Variants in ATRNL1 observed in about 807,000 individuals in gnomAD.
ATRNL1 encodes the protein attractin-like protein 1.
Under a neutral mutation model 182.7 loss-of-function variants are expected in ATRNL1, and 95 were observed. The ratio of observed to expected loss-of-function variants is 0.52; its 90% CI spans 0.44 to 0.62. The LOEUF (loss-of-function observed/expected upper bound fraction) is 0.62, where lower values mean the gene tolerates loss of function less well. ATRNL1 is among the 20% of genes least tolerant of loss of function. The pLI is 0.00. For missense variants in ATRNL1, 1,471 were observed against 1,679.5 expected (o/e 0.88, Z 2.17); for synonymous variants, 576 against 568.3 (o/e 1.01, Z -0.19).
intron 12 of ATRNL1, among the ~76,000 whole-genome samples, chr10:115,267,423 G>T (rs1349742329): frequency 6.6e-6 from 1 of 151,458 alleles, no homozygotes; most frequent in Non-Finnish European, 1.5e-5. Flanking sequence ...AAATGTTACA[G>T]CATTTCATGA....
In ATRNL1 at chr10:115,837,938, C is replaced by A. The variant is rs541638685; in HGVS notation, c.3904-9939C>A. 1.6e-3 allele frequency among the ~76,000 whole-genome samples: 249 copies of A among 152,268 alleles called. 11 individuals are homozygous for A. In the South Asian group the frequency reaches 0.05, roughly 30 times the overall value. ...AATTGGTTTTGACTTTTAAAAATTG[C>A]ATTTGCAAGTGATTCTACCTAATAT... On this transcript the variant is annotated intron_variant, in intron 27 of 28. Coordinates refer to ENST00000355044, the MANE Select transcript of ATRNL1 (RefSeq NM_207303.4).
chr10:115,814,900 G>A (rs1555088076), intron 27 of ATRNL1, among the ~76,000 whole-genome samples: 2 of 152,108 alleles, frequency 1.3e-5, no homozygotes, highest in African/African-American at 4.8e-5. Flanking sequence ...TGATTGTAAT[G>A]TCTACACCAC....
intron 25 of ATRNL1, among the ~76,000 whole-genome samples, chr10:115,526,738 C>T (rs782376806): frequency 9.2e-5 from 14 of 151,964 alleles, no homozygotes; most frequent in Admixed American, 2.6e-4. Context: ...AAGCAATAAA[C>T]GTGTTAGGGG....
chr10:115,945,025 A>C lies in ATRNL1; in HGVS notation c.*246A>C, dbSNP rs577917491. 6.7e-6 allele frequency: 2 copies of C among 297,582 alleles called. No homozygotes were observed. Among genetic ancestry groups the C allele is most frequent in the East Asian group, 1.1e-4 (2 of 17,858 alleles). The allele number at this position is 297,582 out of a possible 1,614,324, so 18.4% of individuals were successfully genotyped here. On this transcript the variant is annotated 3_prime_UTR_variant, in exon 29 of 29. Transcript: ENST00000355044. Reference sequence around the variant, plus strand: ...CTTAGGCTTATTATAGCTAACATTAAATTACTCTGGAAAAAGATGTATATT... The same window carrying C: ...CTTAGGCTTATTATAGCTAACATTACATTACTCTGGAAAAAGATGTATATT...
chr10:115,290,073 G>GTTTT (rs34824411), intron 15 of ATRNL1, among the ~76,000 whole-genome samples: 1 of 145,138 alleles, frequency 6.9e-6, no homozygotes, highest in South Asian at 2.2e-4. Context: ...GTGTTTTGTA[G>GTTTT]TTTTTTTTTT....
intron 13 of ATRNL1, among the ~76,000 whole-genome samples, chr10:115,279,052 A>G (rs968173742): frequency 1.3e-5 from 2 of 151,848 alleles, no homozygotes; most frequent in Non-Finnish European, 2.9e-5. Context: ...AATACAAAAA[A>G]TTAGCCGGGT....
At chr10:115,676,738 G>A (rs1945875063) in intron 26 of ATRNL1, among the ~76,000 whole-genome samples, 1 of 151,838 alleles carries the variant, frequency 6.6e-6, no homozygotes, top group Admixed American at 6.6e-5. Context: ...AGCATAGAGT[G>A]GAGGGGGAAA....
At chr10:115,392,802 G>T (rs75221107) in intron 19 of ATRNL1, among the ~76,000 whole-genome samples, 1 of 152,156 alleles carries the variant, frequency 6.6e-6, no homozygotes, top group African/African-American at 2.4e-5. Context: ...TCAGTTTTCA[G>T]TTGAAGTCCT....
intron 24 of ATRNL1, among the ~76,000 whole-genome samples, chr10:115,477,839 A>T (rs954624898): frequency 4.6e-5 from 7 of 151,658 alleles, no homozygotes; most frequent in Non-Finnish European, 1.0e-4. Flanking sequence ...GGCTTCAGTT[A>T]TTGTGATTCT....
At chr10:115,927,033 C>G (rs1555120498) in intron 28 of ATRNL1, among the ~76,000 whole-genome samples, 1 of 152,066 alleles carries the variant, frequency 6.6e-6, no homozygotes, top group African/African-American at 2.4e-5. Flanking sequence ...TACTGGCACA[C>G]CAAATCCAGC....
chr10:115,585,573 C>G (rs1269517790), intron 26 of ATRNL1, among the ~76,000 whole-genome samples: 1 of 65,476 alleles, frequency 1.5e-5, no homozygotes, highest in East Asian at 2.9e-4. Context: ...GATTGCAACC[C>G]CTGTCTTTTT....
intron 25 of ATRNL1, among the ~76,000 whole-genome samples, chr10:115,545,234 C>CAAAAAAAAAAAA (rs71010026): frequency 3.2e-5 from 3 of 94,860 alleles, no homozygotes; most frequent in African/African-American, 4.1e-5. Context: ...GACTCCGTAT[C>CAAAAAAAAAAAA]AAAAAAAAAA....
intron 27 of ATRNL1, among the ~76,000 whole-genome samples, chr10:115,794,676 A>G (rs1403316310): frequency 6.6e-6 from 1 of 152,128 alleles, no homozygotes; most frequent in East Asian, 1.9e-4. Context: ...GTGATTCTAT[A>G]TTCTTTTCAT....
chr10:115,225,581 C>T (rs1304063907), intron 9 of ATRNL1, among the ~76,000 whole-genome samples: 2 of 149,956 alleles, frequency 1.3e-5, no homozygotes, highest in East Asian at 1.9e-4. Context: ...ATACCAGGAA[C>T]AGTTTAAAAC....
At position 115,469,832 on chromosome 10, in the gene ATRNL1, T is replaced by C. The variant is rs558522431; in HGVS notation, c.3654+503T>C. On this transcript the variant is annotated intron_variant, in intron 24 of 28. Coordinates refer to ENST00000355044, the MANE Select transcript of ATRNL1 (RefSeq NM_207303.4). ...TGTGTTTTACATTTCATTTTTGTTA[T>C]AGTTAGAGGTAGTCTACTTAAGACG... Among the ~76,000 whole-genome samples the C allele has an allele frequency of 5.3e-5, 8 of 150,424 alleles. No individual in the cohort carries two copies. The South Asian group carries it at 1.5e-3, about 27-fold the overall frequency.
chr10:115,696,866 A>AGAGC (rs1413049476), intron 26 of ATRNL1, among the ~76,000 whole-genome samples: 14 of 137,632 alleles, frequency 1.0e-4, no homozygotes, highest in African/African-American at 4.2e-4. Context: ...ATCACATATC[A>AGAGC]GAGCGAGAGA....
chr10:115,539,323 G>A (rs1565147489), intron 25 of ATRNL1, among the ~76,000 whole-genome samples: 2 of 152,130 alleles, frequency 1.3e-5, no homozygotes, highest in Non-Finnish European at 2.9e-5. Flanking sequence ...TTCACCATAG[G>A]GTTCCAGTTC....
At chr10:115,755,632 T>C (rs1948567653) in intron 27 of ATRNL1, among the ~76,000 whole-genome samples, 1 of 152,144 alleles carries the variant, frequency 6.6e-6, no homozygotes, top group Non-Finnish European at 1.5e-5. Flanking sequence ...GAAATTTTCT[T>C]TTTTGGTTGC....
At chr10:115,877,461 C>T (rs750120377) in intron 28 of ATRNL1, among the ~76,000 whole-genome samples, 14 of 152,156 alleles carry the variant, frequency 9.2e-5, no homozygotes, top group Non-Finnish European at 1.6e-4. Flanking sequence ...AGCACTTCTC[C>T]AGAATATGGA....
Sources: allele counts gnomAD v4.1 joint callset (sites outside exome capture counted in the v4.1 genomes callset), GRCh38; gene constraint gnomAD v4.1.1; transcripts MANE v1.5; gene names NCBI Gene and HGNC (gene_info 2026-07-23, HGNC 2026-07-21).